RIMS1: variants seen among roughly 807,000 people sequenced by gnomAD.
The protein encoded by RIMS1 is regulating synaptic membrane exocytosis 1, also known as regulating synaptic membrane exocytosis protein 1.
A neutral mutation model predicts 214.1 loss-of-function variants in RIMS1; 83 were observed. The ratio of observed to expected loss-of-function variants is 0.39; its 90% CI spans 0.32 to 0.47. The LOEUF (loss-of-function observed/expected upper bound fraction) is 0.47. RIMS1 is among the 20% of genes least tolerant of loss of function. The pLI, the probability that RIMS1 is intolerant of heterozygous loss-of-function variation, is 0.99. For missense variants in RIMS1, 2,050 were observed against 2,161.8 expected, an observed-to-expected ratio of 0.95 and a Z score of 1.03; for synonymous variants, 793 against 786.8, an observed-to-expected ratio of 1.01 and a Z score of -0.13.
chr6:72,332,837 T>C (rs534971007), intron 28 of RIMS1, among the ~76,000 whole-genome samples: 100 of 151,866 alleles, frequency 6.6e-4, no homozygotes, highest in Middle Eastern at 3.4e-3. Flanking sequence ...AATATATTCT[T>C]TGGGGAGAGA....
intron 16 of RIMS1, among the ~76,000 whole-genome samples, chr6:72,256,974 A>T (rs1327185913): frequency 2.0e-5 from 3 of 152,142 alleles, no homozygotes; most frequent in East Asian, 1.9e-4. Flanking sequence ...GTCAAAGTAC[A>T]CTTAATGAAA....
chr6:72,267,024 T>G (rs1038475601), intron 22 of RIMS1, among the ~76,000 whole-genome samples: 3 of 152,126 alleles, frequency 2.0e-5, no homozygotes, highest in Admixed American at 6.6e-5. Flanking sequence ...GAACAATAGG[T>G]ACACGTGTGT....
At chr6:72,115,210 C>T (rs2036842281) in intron 4 of RIMS1, among the ~76,000 whole-genome samples, 1 of 151,838 alleles carries the variant, frequency 6.6e-6, no homozygotes, top group East Asian at 1.9e-4. Flanking sequence ...TACAGACATT[C>T]AATTTTCTTA....
At chr6:71,905,768 A>C (rs1359355126) in intron 1 of RIMS1, among the ~76,000 whole-genome samples, 1 of 152,102 alleles carries the variant, frequency 6.6e-6, no homozygotes, top group Non-Finnish European at 1.5e-5. Flanking sequence ...AATAATGTTG[A>C]CTGGACAAGA....
intron 33 of RIMS1, 139 bp from the exon 34 acceptor site, chr6:72,400,357 C>T: frequency 1.5e-6 from 1 of 680,564 alleles, no homozygotes; most frequent in South Asian, 1.8e-5. Flanking sequence ...TCTGTGCCTT[C>T]TCCTTGGTGA....
chr6:72,292,703 T>C (rs961987174), intron 26 of RIMS1, among the ~76,000 whole-genome samples: 1 of 152,146 alleles, frequency 6.6e-6, no homozygotes, highest in Non-Finnish European at 1.5e-5. Flanking sequence ...ATAGTATTCT[T>C]CATGTGACCC....
At chr6:72,084,413 G>T (rs747508293) in intron 2 of RIMS1, among the ~76,000 whole-genome samples, 1 of 151,988 alleles carries the variant, frequency 6.6e-6, no homozygotes, top group Non-Finnish European at 1.5e-5. Flanking sequence ...GAGATAACTT[G>T]TTTGTCAAAA....
At position 72,242,335 on chromosome 6, in the gene RIMS1, A is replaced by G; in HGVS notation, c.1979A>G (p.Asn660Ser). The change falls in exon 10 of 34, where the codon AAT (asparagine) becomes AGT (serine). Residue 660 changes from asparagine (N) to serine (S), a missense_variant. Transcript: ENST00000521978. ...CAAGGGGATGAAGTTCTAGAATGGA[A>G]TGGTAAACCCCTGCCGGGAGCTACA... ...LRAGDEVLEW[N>S]GKPLPGATNE... 1 of 1,564,860 alleles carries G rather than the reference A, an allele frequency of 6.4e-7. No homozygotes were observed. Among genetic ancestry groups the G allele is most frequent in the Non-Finnish European group, 8.7e-7 (1 of 1,152,528 alleles).
intron 4 of RIMS1, among the ~76,000 whole-genome samples, chr6:72,103,822 G>A (rs2034173560): frequency 6.6e-6 from 1 of 152,060 alleles, no homozygotes; most frequent in Admixed American, 6.6e-5. Flanking sequence ...TTTTTGATTA[G>A]GAGCCATCAT....
rs2048512084 is a variant in RIMS1, at chr6:72,182,306, G to A, written c.835G>A (p.Glu279Lys). Residue 279 changes from glutamate (E) to lysine (K), a missense_variant, in exon 6 of 34, where the codon GAG becomes AAG. Glu to Lys is a moderately conservative substitution (Grantham distance 56, BLOSUM62 1). This residue lies in a region of RIMS1 where 882 missense variants were observed against 828.9 expected (regional missense o/e 1.06). Transcript: ENST00000521978. ...TAGAAAGAAGACCCCAGGGCTTTCCGAGCAGAATGGCAAAGGAGCCCTGAA... is the reference window on the plus strand; with the variant it reads ...TAGAAAGAAGACCCCAGGGCTTTCCAAGCAGAATGGCAAAGGAGCCCTGAA... ...RERKKTPGLS[E>K]QNGKGALKSE... 1 of 1,600,806 alleles carries A rather than the reference G, an allele frequency of 6.2e-7. No homozygotes were observed.
chr6:72,131,534 G>A (rs2040436638), intron 4 of RIMS1, among the ~76,000 whole-genome samples: 1 of 151,290 alleles, frequency 6.6e-6, no homozygotes, highest in Non-Finnish European at 1.5e-5. Context: ...AAAAGGGGAG[G>A]GAGTGTACCG....
chr6:72,144,697 C>T, intron 4 of RIMS1, among the ~76,000 whole-genome samples: 1 of 151,880 alleles, frequency 6.6e-6, no homozygotes, highest in East Asian at 1.9e-4. Context: ...GGATAATTGC[C>T]CAGAATTAGA....
At chr6:72,126,720 C>T (rs1014047273) in intron 4 of RIMS1, 2 of 219,766 alleles carry the variant, frequency 9.1e-6, no homozygotes, top group African/African-American at 5.6e-5. Flanking sequence ...ATTAAAACAA[C>T]AATGATATAC....
At chr6:72,257,223 A>G (rs1427427910) in intron 16 of RIMS1, among the ~76,000 whole-genome samples, 2 of 151,638 alleles carry the variant, frequency 1.3e-5, no homozygotes, top group South Asian at 4.2e-4. Flanking sequence ...TGGCCACATA[A>G]TTTTTTTATT....
In RIMS1 at chr6:72,399,002, A is replaced by C; in HGVS notation, c.4768A>C (p.Lys1590Gln). Residue 1590 changes from lysine to glutamine, a missense_variant, in exon 33 of 34, where the codon AAG becomes CAG. Physicochemically the swap from Lys to Gln is moderately conservative, Grantham distance 53 (BLOSUM62 1). Coordinates refer to ENST00000521978, the MANE Select transcript of RIMS1 (RefSeq NM_014989.7). The stretch of plus-strand genomic sequence containing the variant: ...TTTGGAAAATGGGGCCTGTATAGCC[A>C]AGAAGAAGACAAGAATTGCACGAAA... ...YLLENGACIA[K>Q]KKTRIARKTL... 1 of 1,610,372 alleles carries C rather than the reference A, an allele frequency of 6.2e-7. No individual in the cohort carries two copies. Among genetic ancestry groups the C allele is most frequent in the Non-Finnish European group, 8.5e-7 (1 of 1,177,256 alleles).
intron 4 of RIMS1, among the ~76,000 whole-genome samples, chr6:72,129,427 C>A (rs1288943776): frequency 6.6e-6 from 1 of 151,880 alleles, no homozygotes; most frequent in Non-Finnish European, 1.5e-5. Context: ...GTCCTGTCAC[C>A]TGAAAAAAGA....
chr6:72,323,691 G>A (rs368763350), intron 28 of RIMS1, among the ~76,000 whole-genome samples: 1 of 151,718 alleles, frequency 6.6e-6, no homozygotes, highest in Non-Finnish European at 1.5e-5. Context: ...TTCCAGGACT[G>A]ATAAAAGACA....
Position 72,283,110 on chromosome 6 carries a change from A to G in RIMS1, c.3483-937A>G, listed in dbSNP as rs377287055. 1.5e-3 allele frequency among the ~76,000 whole-genome samples: 225 copies of G among 152,100 alleles called. 1 individual carries two copies. The highest frequency in any genetic ancestry group is 5.3e-3 in the African/African-American group (221 of 41,510). ...AGTAAAGACAGATATTTTTCTCAAC[A>G]TTGTTGGGAGAAAGGGATATCAGTA... On this transcript the variant is annotated intron_variant, in intron 23 of 33. Transcript: ENST00000521978.
chr6:72,271,286 A>ATATATATATAT (rs1554403465), intron 22 of RIMS1, among the ~76,000 whole-genome samples: 105 of 43,986 alleles, frequency 2.4e-3, no homozygotes, highest in Non-Finnish European at 2.7e-3. Flanking sequence ...AAAAAAAAAA[A>ATATATATATAT]ATATATATAT....
Sources: allele counts gnomAD v4.1 joint callset (sites outside exome capture counted in the v4.1 genomes callset), GRCh38; gene constraint gnomAD v4.1.1; regional missense constraint gnomAD v4.1.1; transcripts MANE v1.5; gene names NCBI Gene and HGNC (gene_info 2026-07-23, HGNC 2026-07-21).